CRYM: variants seen among roughly 807,000 people sequenced by gnomAD.
The protein encoded by CRYM is crystallin mu.
Under a neutral mutation model 32.9 loss-of-function variants are expected in CRYM, and 18 were observed. That is an observed-to-expected ratio of 0.55 (90% CI 0.38 to 0.81). CRYM has a LOEUF of 0.81. Among genes scored for constraint, CRYM ranks in the 30% least tolerant of loss-of-function variants. The probability of loss-of-function intolerance (pLI) is 0.00; values close to 1 mark genes in which losing one functional copy is unlikely to be tolerated. For missense variants in CRYM, 337 were observed against 393.5 expected (o/e 0.86, Z 1.21); for synonymous variants, 153 against 152.4 (o/e 1.00, Z -0.03).
intron 6 of CRYM, 45 bp from the exon 7 acceptor site, chr16:21,261,383 GT>G (rs746991912): frequency 6.5e-7 from 1 of 1,532,144 alleles, no homozygotes; most frequent in Admixed American, 1.7e-5. Context: ...GCTAAAGTCT[GT>G]GCAGGGTTGG....
intron 1 of CRYM, among the ~76,000 whole-genome samples, chr16:21,294,210 T>C (rs569053997): frequency 6.6e-6 from 1 of 152,288 alleles, no homozygotes; most frequent in Non-Finnish European, 1.5e-5. Context: ...TTACACGCCC[T>C]TGCCCCTCTC....
upstream of CRYM, among the ~76,000 whole-genome samples, chr16:21,279,293 T>G (rs781136807): frequency 6.6e-6 from 1 of 152,204 alleles, no homozygotes; most frequent in Non-Finnish European, 1.5e-5. Flanking sequence ...CATTGGAGGC[T>G]CTGAGAAGGG....
chr16:21,267,405 G>T, intron 5 of CRYM, 149 bp downstream of exon 5: 2 of 861,542 alleles, frequency 2.3e-6, no homozygotes, highest in Non-Finnish European at 3.7e-6. Flanking sequence ...GCCAAATATT[G>T]TTTTTTTCAA....
rs1344711687 is a variant in CRYM at position 21,267,652 on chromosome 16, T to C, written c.575A>G (p.Gln192Arg). 1 of 1,614,222 alleles carries C rather than the reference T, an allele frequency of 6.2e-7. No individual in the cohort carries two copies. The highest frequency in any genetic ancestry group is 8.5e-7 in the Non-Finnish European group (1 of 1,180,034). ...CACATCTGCACCTGCCACAGCCTCC[T>C]GGACCGAAGAACAGACCCGTACCTC... The part of the protein sequence containing the change: ...QGEVRVCSSV[Q>R]EAVAGADVII... The change falls in exon 5 of 8, where the codon CAG becomes CGG. Residue 192 changes from glutamine (Q) to arginine (R), a missense_variant. Gln to Arg is a conservative substitution (Grantham distance 43). Transcript: ENST00000572914.
intron 1 of CRYM, among the ~76,000 whole-genome samples, chr16:21,299,309 A>AT (rs1007154170): frequency 4.0e-4 from 59 of 148,290 alleles, no homozygotes; most frequent in East Asian, 1.8e-3. Flanking sequence ...TTTTTTTTTA[A>AT]TTTTTTTTTT....
intron 3 of CRYM, 54 bp downstream of exon 3, chr16:21,275,478 A>G (rs1044509251): frequency 3.2e-5 from 48 of 1,516,248 alleles, no homozygotes; most frequent in Non-Finnish European, 3.9e-5. Context: ...AGATTGAGAC[A>G]CCAGACCCCA....
At chr16:21,297,141 C>A (rs1488204340) in intron 1 of CRYM, among the ~76,000 whole-genome samples, 1 of 152,158 alleles carries the variant, frequency 6.6e-6, no homozygotes, top group Non-Finnish European at 1.5e-5. Flanking sequence ...CGCCTGTAAT[C>A]CCAGCACTTT....
At chr16:21,295,496 C>T (rs917291995) in intron 1 of CRYM, among the ~76,000 whole-genome samples, 1 of 152,078 alleles carries the variant, frequency 6.6e-6, no homozygotes, top group Admixed American at 6.6e-5. Context: ...TGTCATATCC[C>T]TTGCTCACTT....
chr16:21,283,637 G>A (rs1167911778), intron 1 of CRYM: 3 of 151,422 alleles, frequency 2.0e-5, no homozygotes, highest in Admixed American at 1.3e-4. Context: ...GGAGAAGGGT[G>A]GTCTGGGGCT....
upstream of CRYM, among the ~76,000 whole-genome samples, chr16:21,280,133 A>C (rs1197406039): frequency 1.3e-5 from 2 of 152,186 alleles, no homozygotes; most frequent in East Asian, 3.8e-4. Context: ...TAATCCTAGC[A>C]CTTTGGGAGG....
At chr16:21,281,240 A>T (rs905076482), upstream of CRYM, among the ~76,000 whole-genome samples, 2 of 150,966 alleles carry the variant, frequency 1.3e-5, no homozygotes, top group East Asian at 3.9e-4. Context: ...ATATGTATAT[A>T]TGTGCATATA....
rs1358649973 is a variant in CRYM, at chr16:21,258,536, T to A, written c.*245A>T. ...AAGCAAACACTGCACAATTGGAATG[T>A]GCTTTATTTCAGGGAAATATAAAGG... On this transcript the variant is annotated 3_prime_UTR_variant, in exon 8 of 8. Transcript: ENST00000572914. The A allele has an allele frequency of 1.8e-6, 1 of 553,410 alleles. No homozygotes were observed. Among genetic ancestry groups the A allele is most frequent in the African/African-American group, 1.9e-5 (1 of 53,008 alleles). 34.3% of individuals were successfully genotyped at this position (553,410 alleles called of 1,614,324 possible).
intron 3 of CRYM, 92 bp from the exon 4 acceptor site, chr16:21,269,983 C>T: frequency 1.2e-6 from 1 of 839,558 alleles, no homozygotes; most frequent in Non-Finnish European, 2.0e-6. Flanking sequence ...TGACTTCTGC[C>T]CTCTCTTCTG....
At chr16:21,294,949 C>T (rs949284017) in intron 1 of CRYM, among the ~76,000 whole-genome samples, 4 of 152,098 alleles carry the variant, frequency 2.6e-5, no homozygotes, top group Non-Finnish European at 5.9e-5. Context: ...CCCACCTCAG[C>T]CTCCCAAAGT....
At chr16:21,267,842 G>T in intron 4 of CRYM, 105 bp from the exon 5 acceptor site, 1 of 1,085,142 alleles carries the variant, frequency 9.2e-7, no homozygotes, top group Non-Finnish European at 1.4e-6. Context: ...TGGCATAGGG[G>T]TCAGTGGTTA....
chr16:21,296,718 T>C (rs1341160773), intron 1 of CRYM, among the ~76,000 whole-genome samples: 1 of 152,192 alleles, frequency 6.6e-6, no homozygotes, highest in Non-Finnish European at 1.5e-5. Context: ...AAGTCAGATG[T>C]TTAAGATACT....
intron 4 of CRYM, among the ~76,000 whole-genome samples, 188 bp from the exon 5 acceptor site, chr16:21,267,925 C>G (rs2152862074): frequency 6.6e-6 from 1 of 152,330 alleles, no homozygotes; most frequent in Non-Finnish European, 1.5e-5. Flanking sequence ...ACTTAGACAC[C>G]TAGCCAGGTA....
At chr16:21,260,127 G>A (rs763925958) in intron 7 of CRYM, among the ~76,000 whole-genome samples, 21 of 152,122 alleles carry the variant, frequency 1.4e-4, no homozygotes, top group Non-Finnish European at 2.8e-4. Flanking sequence ...GGCTCTGGGT[G>A]GCCAGAGCGC....
At chr16:21,283,533 G>A (rs978803764) in intron 1 of CRYM, 6 of 151,950 alleles carry the variant, frequency 3.9e-5, no homozygotes, top group Admixed American at 1.3e-4. Flanking sequence ...CAAGGCGCGT[G>A]TCTCATTCCC....
Sources: allele counts gnomAD v4.1 joint callset (sites outside exome capture counted in the v4.1 genomes callset), GRCh38; gene constraint gnomAD v4.1.1; transcripts MANE v1.5; gene names NCBI Gene and HGNC (gene_info 2026-07-23, HGNC 2026-07-21).